The following ANGPT1 variants were observed in gnomAD, a reference collection of about 807,000 sequenced individuals.
ANGPT1 encodes the protein angiopoietin-1.
A neutral mutation model predicts 62.2 loss-of-function variants in ANGPT1; 17 were observed. That is an observed-to-expected ratio of 0.27 (90% CI 0.19 to 0.41). ANGPT1 has a LOEUF of 0.41. Among genes scored for constraint, ANGPT1 ranks in the 10% least tolerant of loss-of-function variants. The pLI is 1.00. For missense variants in ANGPT1, 478 were observed against 594.9 expected, an observed-to-expected ratio of 0.80 and a Z score of 2.04; for synonymous variants, 199 against 198.9, an observed-to-expected ratio of 1.00 and a Z score of 0.00.
At chr8:107,433,882 G>A (rs529290661) in intron 1 of ANGPT1, among the ~76,000 whole-genome samples, 37 of 152,298 alleles carry the variant, frequency 2.4e-4, no homozygotes, top group African/African-American at 8.7e-4. Context: ...AAGGCAGGAT[G>A]TTATAGATTC....
At chr8:107,387,057 ACAGGTAAACTATAAAAACC>A (rs1335292669) in intron 1 of ANGPT1, among the ~76,000 whole-genome samples, 1 of 152,164 alleles carries the variant, frequency 6.6e-6, no homozygotes, top group Non-Finnish European at 1.5e-5. Context: ...GGCTAAATAG[ACAGGTAAACTATAAAAACC>A]CATAACTGAA....
intron 1 of ANGPT1, among the ~76,000 whole-genome samples, chr8:107,496,526 T>C (rs950346890): frequency 2.6e-5 from 4 of 152,216 alleles, no homozygotes; most frequent in Admixed American, 6.5e-5. Context: ...TTCAGGAATA[T>C]AGTAGACTAC....
chr8:107,272,229 T>C lies in ANGPT1; in HGVS notation c.1206-7878A>G, dbSNP rs563751357. Reference sequence around the variant, plus strand: ...ATATGAAAAATGTTTGAGATAGTAATGGTCCTGGGAATCTGTGCTATGATT... The same window carrying C: ...ATATGAAAAATGTTTGAGATAGTAACGGTCCTGGGAATCTGTGCTATGATT... On this transcript the variant is annotated intron_variant, in intron 7 of 8. Transcript: ENST00000517746. Among the ~76,000 whole-genome samples, 26 of 152,172 alleles carry C rather than the reference T, an allele frequency of 1.7e-4. No individual in the cohort carries two copies. In the South Asian group the frequency reaches 4.8e-3, roughly 28 times the overall value.
At chr8:107,373,795 T>C (rs1816467008) in intron 1 of ANGPT1, among the ~76,000 whole-genome samples, 3 of 152,248 alleles carry the variant, frequency 2.0e-5, no homozygotes, top group Non-Finnish European at 4.4e-5. Flanking sequence ...TTGTGTCTTA[T>C]AATGAAGTAG....
intron 5 of ANGPT1, 146 bp downstream of exon 5, chr8:107,303,094 C>G: frequency 1.1e-6 from 1 of 888,172 alleles, no homozygotes; most frequent in East Asian, 2.6e-5. Flanking sequence ...CTTTATGGAC[C>G]TGGGAAACAG....
chr8:107,396,513 C>CT (rs1816937528), intron 1 of ANGPT1, among the ~76,000 whole-genome samples: 4 of 110,172 alleles, frequency 3.6e-5, no homozygotes, highest in Admixed American at 1.0e-4. Flanking sequence ...CTTTTCTTTT[C>CT]TCTCTTTTTT....
chr8:107,484,514 A>G (rs1273414538), intron 1 of ANGPT1, among the ~76,000 whole-genome samples: 1 of 151,922 alleles, frequency 6.6e-6, no homozygotes, highest in Non-Finnish European at 1.5e-5. Flanking sequence ...TGATCCTCCT[A>G]CCTCAGCCTC....
At chr8:107,307,023 T>C (rs1372386520) in intron 4 of ANGPT1, among the ~76,000 whole-genome samples, 8 of 152,166 alleles carry the variant, frequency 5.3e-5, no homozygotes, top group Non-Finnish European at 1.0e-4. Flanking sequence ...TTACACTTTT[T>C]GTAATAATGA....
chr8:107,257,782 T>C (rs988681967), intron 8 of ANGPT1, among the ~76,000 whole-genome samples: 3 of 151,960 alleles, frequency 2.0e-5, no homozygotes, highest in Non-Finnish European at 2.9e-5. Flanking sequence ...AGCAGCTGCA[T>C]GGGTCTTGCA....
At chr8:107,282,964 G>A (rs553093536) in intron 7 of ANGPT1, among the ~76,000 whole-genome samples, 20 of 151,260 alleles carry the variant, frequency 1.3e-4, no homozygotes, top group Non-Finnish European at 2.2e-4. Context: ...ACTCTGTCCC[G>A]CAACACCCTC....
At chr8:107,447,221 A>G (rs1811646792) in intron 1 of ANGPT1, among the ~76,000 whole-genome samples, 2 of 152,150 alleles carry the variant, frequency 1.3e-5, no homozygotes, top group African/African-American at 2.4e-5. Context: ...CAGTACAGAA[A>G]TCAGATGTGA....
chr8:107,475,708 G>C (rs1200676141), intron 1 of ANGPT1, among the ~76,000 whole-genome samples: 1 of 152,116 alleles, frequency 6.6e-6, no homozygotes, highest in African/African-American at 2.4e-5. Flanking sequence ...TTAATATCCA[G>C]AATCTACAAA....
chr8:107,264,469 C>G (rs1586170010), intron 7 of ANGPT1, 118 bp from the exon 8 acceptor site: 2 of 1,286,748 alleles, frequency 1.6e-6, no homozygotes, highest in East Asian at 5.1e-5. Context: ...TGAACTCAGC[C>G]CTTCCAACAA....
At chr8:107,300,417 A>C (rs1814559312) in intron 5 of ANGPT1, among the ~76,000 whole-genome samples, 1 of 151,846 alleles carries the variant, frequency 6.6e-6, no homozygotes, top group African/African-American at 2.4e-5. Flanking sequence ...ACTACTTGTA[A>C]GAGAATCTAT....
intron 1 of ANGPT1, among the ~76,000 whole-genome samples, chr8:107,382,276 C>G (rs1026940203): frequency 1.3e-5 from 2 of 151,992 alleles, no homozygotes; most frequent in Non-Finnish European, 2.9e-5. Context: ...CTTCCCCTTC[C>G]CTATTACATT....
intron 1 of ANGPT1, among the ~76,000 whole-genome samples, chr8:107,440,360 A>G (rs1811443099): frequency 1.3e-5 from 2 of 152,202 alleles, no homozygotes; most frequent in Admixed American, 6.5e-5. Flanking sequence ...TAGATCTAGG[A>G]GAAACTTGAG....
At chr8:107,385,209 A>G (rs1363130422) in intron 1 of ANGPT1, among the ~76,000 whole-genome samples, 2 of 151,674 alleles carry the variant, frequency 1.3e-5, no homozygotes, top group Non-Finnish European at 2.9e-5. Context: ...TGCATCGGTA[A>G]ATTGCTTTTT....
chr8:107,375,683 G>A (rs1816517042), intron 1 of ANGPT1, among the ~76,000 whole-genome samples: 2 of 152,206 alleles, frequency 1.3e-5, no homozygotes, highest in African/African-American at 4.8e-5. Flanking sequence ...GCCACCAAGG[G>A]TAAGGGTGGG....
intron 1 of ANGPT1, among the ~76,000 whole-genome samples, chr8:107,388,475 G>A (rs1166431657): frequency 6.6e-6 from 1 of 152,026 alleles, no homozygotes; most frequent in Non-Finnish European, 1.5e-5. Flanking sequence ...CCTAGTCAAT[G>A]ATCAATATAC....
Sources: allele counts gnomAD v4.1 joint callset (sites outside exome capture counted in the v4.1 genomes callset), GRCh38; gene constraint gnomAD v4.1.1; transcripts MANE v1.5; gene names NCBI Gene and HGNC (gene_info 2026-07-23, HGNC 2026-07-21).